The following TRAPPC9 variants were observed in gnomAD, a reference collection of about 807,000 sequenced individuals.
The protein encoded by TRAPPC9 is trafficking protein particle complex subunit 9.
TRAPPC9 carries 83 observed loss-of-function variants against 124.0 expected under a neutral mutation model. The observed-to-expected ratio is 0.67, with a 90% CI of 0.56 to 0.80. TRAPPC9 has a LOEUF of 0.80. Among genes scored for constraint, TRAPPC9 ranks in the 30% least tolerant of loss-of-function variants. TRAPPC9 has a pLI of 0.00. For synonymous variants in TRAPPC9, 638 were observed against 617.5 expected, an observed-to-expected ratio of 1.03 and a Z score of -0.49; for missense variants, 1,302 against 1,508.3, an observed-to-expected ratio of 0.86 and a Z score of 2.27.
chr8:140,432,162 G>A (rs556459974), intron 4 of TRAPPC9, among the ~76,000 whole-genome samples: 5 of 152,010 alleles, frequency 3.3e-5, no homozygotes, highest in South Asian at 2.1e-4. Context: ...GTACAACAGC[G>A]CCACCTATGG....
chr8:139,938,569 G>A (rs1328337195), intron 19 of TRAPPC9, among the ~76,000 whole-genome samples: 2 of 151,696 alleles, frequency 1.3e-5, no homozygotes, highest in African/African-American at 2.4e-5. Flanking sequence ...ACAGGCATGA[G>A]CCACTGTGCC....
intron 17 of TRAPPC9, among the ~76,000 whole-genome samples, chr8:140,049,341 A>G (rs1421103242): frequency 6.6e-6 from 1 of 152,138 alleles, no homozygotes; most frequent in East Asian, 1.9e-4. Flanking sequence ...TCCGGGCCGA[A>G]GTGGAAAATC....
At chr8:139,794,983 A>G (rs1267791387) in intron 21 of TRAPPC9, among the ~76,000 whole-genome samples, 1 of 152,216 alleles carries the variant, frequency 6.6e-6, no homozygotes, top group African/African-American at 2.4e-5. Context: ...AACGCAGGGA[A>G]TAAAAAGACA....
At chr8:140,127,357 T>A (rs933192187) in intron 17 of TRAPPC9, among the ~76,000 whole-genome samples, 3 of 152,170 alleles carry the variant, frequency 2.0e-5, no homozygotes, top group Non-Finnish European at 4.4e-5. Flanking sequence ...ACCAACTATG[T>A]TAGAGTAGGA....
chr8:140,252,503 C>A lies in TRAPPC9; in HGVS notation c.2431+274G>T. ...TATACTTGAAAAAACGCAGTAATTC[C>A]TACATTCCACTAATTTAGAATGACC... On this transcript the variant is annotated intron_variant, in intron 16 of 22. Coordinates refer to ENST00000438773, the MANE Select transcript of TRAPPC9 (RefSeq NM_001160372.4). The surrounding 1 kb of genome is among the most constrained non-coding windows in gnomAD (Gnocchi z 4.2). 2.4e-6 allele frequency: 1 copy of A among 413,950 alleles called. No homozygotes were observed. Among genetic ancestry groups the A allele is most frequent in the Non-Finnish European group, 4.4e-6 (1 of 226,120 alleles). 25.6% of individuals were successfully genotyped at this position (413,950 alleles called of 1,614,324 possible). A position where few individuals can be genotyped will look rare whatever the true frequency, so the allele number is the denominator to read the frequency against.
intron 21 of TRAPPC9, among the ~76,000 whole-genome samples, chr8:139,774,858 G>A (rs771199483): frequency 3.9e-5 from 6 of 152,168 alleles, no homozygotes; most frequent in Non-Finnish European, 7.3e-5. Flanking sequence ...AATCCCTGTC[G>A]ATGTCACACA....
chr8:139,913,599 G>A (rs1376649210), intron 19 of TRAPPC9, among the ~76,000 whole-genome samples: 2 of 152,218 alleles, frequency 1.3e-5, no homozygotes, highest in South Asian at 2.1e-4. Flanking sequence ...CAACAGGCCT[G>A]CTGCTTGTGT....
chr8:139,841,865 G>C (rs1394614124), intron 21 of TRAPPC9, among the ~76,000 whole-genome samples: 1 of 152,258 alleles, frequency 6.6e-6, no homozygotes, highest in African/African-American at 2.4e-5. Flanking sequence ...CCAGCTGCCT[G>C]CACAACACAG....
intron 21 of TRAPPC9, among the ~76,000 whole-genome samples, chr8:139,867,740 C>T (rs960250786): frequency 1.3e-5 from 2 of 152,158 alleles, no homozygotes; most frequent in East Asian, 1.9e-4. Flanking sequence ...TCTACAGAAT[C>T]GCTGATTGGT....
intron 21 of TRAPPC9, among the ~76,000 whole-genome samples, chr8:139,834,119 C>A (rs4736102): frequency 1 from 151,770 of 152,256 alleles, 75,644 homozygotes; most frequent in Middle Eastern, 1. Flanking sequence ...TTGTTGTAAG[C>A]CTGAGGTGAG....
chr8:140,165,499 A>G (rs964462502), intron 17 of TRAPPC9, among the ~76,000 whole-genome samples: 14 of 150,676 alleles, frequency 9.3e-5, no homozygotes, highest in African/African-American at 3.2e-4. Flanking sequence ...AGATCACGCC[A>G]CTGCACGCCA....
chr8:139,857,600 C>T (rs551984548), intron 21 of TRAPPC9, among the ~76,000 whole-genome samples: 10 of 152,318 alleles, frequency 6.6e-5, no homozygotes, highest in South Asian at 2.1e-4. Flanking sequence ...TCACAACAGC[C>T]GGAGCAGCCA....
At chr8:140,208,621 GTCATT>G (rs2062983984) in intron 17 of TRAPPC9, among the ~76,000 whole-genome samples, 1 of 152,218 alleles carries the variant, frequency 6.6e-6, no homozygotes, top group Non-Finnish European at 1.5e-5. Context: ...TTCTTTAGAG[GTCATT>G]TCATTTGCTT....
chr8:139,873,934 A>G (rs983250413), intron 21 of TRAPPC9, among the ~76,000 whole-genome samples: 29 of 152,176 alleles, frequency 1.9e-4, no homozygotes, highest in African/African-American at 6.3e-4. Flanking sequence ...TCCCTCTCCC[A>G]GGACTGGAGC....
rs113926807 is a variant in TRAPPC9 at position 140,241,078 on chromosome 8, C to T, written c.2431+11699G>A. Among the ~76,000 whole-genome samples, 6 of 152,264 alleles carry T rather than the reference C, an allele frequency of 3.9e-5. No individual in the cohort carries two copies. Among genetic ancestry groups the T allele is most frequent in the African/African-American group, 1.4e-4 (6 of 41,554 alleles). On this transcript the variant is annotated intron_variant, in intron 16 of 22. Transcript: ENST00000438773. The surrounding 1 kb of genome is among the most constrained non-coding windows in gnomAD (Gnocchi z 5.0). ...CACCTGCATCCCTGCTGGTGGCATC[C>T]AGCTCATCTTTAGTCAGGACCTGTT...
chr8:140,300,925 A>C (rs1341565797), intron 10 of TRAPPC9, among the ~76,000 whole-genome samples: 1 of 152,170 alleles, frequency 6.6e-6, no homozygotes, highest in Non-Finnish European at 1.5e-5. Context: ...CTTCACACTT[A>C]CCAGCTGTGT....
intron 15 of TRAPPC9, among the ~76,000 whole-genome samples, chr8:140,274,283 A>G (rs4736167): frequency 0.62 from 93,589 of 151,968 alleles, 29,489 homozygotes; most frequent in Middle Eastern, 0.74. Flanking sequence ...AGTGTGCACC[A>G]ACAAGCTACA....
intron 14 of TRAPPC9, among the ~76,000 whole-genome samples, chr8:140,283,685 T>C (rs1373118351): frequency 1.3e-5 from 2 of 152,120 alleles, no homozygotes; most frequent in Non-Finnish European, 2.9e-5. Flanking sequence ...TCACATTCTG[T>C]TCTGATCATG....
intron 17 of TRAPPC9, among the ~76,000 whole-genome samples, chr8:140,157,472 T>G (rs1485698389): frequency 6.6e-6 from 1 of 152,182 alleles, no homozygotes; most frequent in East Asian, 1.9e-4. Context: ...CCTCAACGAA[T>G]GACGAAATGA....
Sources: allele counts gnomAD v4.1 joint callset (sites outside exome capture counted in the v4.1 genomes callset), GRCh38; gene constraint gnomAD v4.1.1; non-coding constraint Gnocchi (gnomAD v3.1); transcripts MANE v1.5; gene names NCBI Gene and HGNC (gene_info 2026-07-23, HGNC 2026-07-21).